The following FBN3 variants were observed in gnomAD, a reference collection of about 807,000 sequenced individuals.
The protein encoded by FBN3 is fibrillin 3, also known as fibrillin-3.
A neutral mutation model predicts 330.1 loss-of-function variants in FBN3; 234 were observed. That is an observed-to-expected ratio of 0.71 (90% CI 0.64 to 0.79). The LOEUF is 0.79. Ranked by LOEUF, FBN3 falls within the 30% of genes least tolerant of loss-of-function variation. The pLI is 0.00. For missense variants in FBN3, 3,606 were observed against 3,886.9 expected (o/e 0.93, Z 1.92); for synonymous variants, 1,458 against 1,517.3 (o/e 0.96, Z 0.91).
At chr19:8,108,493 T>G (rs1204174237) in intron 36 of FBN3, among the ~76,000 whole-genome samples, 1 of 152,060 alleles carries the variant, frequency 6.6e-6, no homozygotes, top group Non-Finnish European at 1.5e-5. Context: ...ATTCAACATG[T>G]GAGCAGAGTT....
intron 3 of FBN3, among the ~76,000 whole-genome samples, chr19:8,146,688 C>T (rs1163477153): frequency 1.3e-5 from 2 of 151,814 alleles, no homozygotes; most frequent in African/African-American, 2.4e-5. Context: ...AGAGAGAGGC[C>T]AGGTGCAGTG....
At chr19:8,069,887 T>C (rs2081476272) in intron 63 of FBN3, among the ~76,000 whole-genome samples, 1 of 152,172 alleles carries the variant, frequency 6.6e-6, no homozygotes, top group South Asian at 2.1e-4. Flanking sequence ...GCTGATCACT[T>C]GAGGCCAGGA....
intron 41 of FBN3, among the ~76,000 whole-genome samples, chr19:8,100,224 T>A (rs1036770862): frequency 6.6e-6 from 1 of 151,884 alleles, no homozygotes; most frequent in African/African-American, 2.4e-5. Flanking sequence ...GAGAGTTTCA[T>A]GGGGACAGAG....
At chr19:8,075,239 C>T (rs1404676303) in intron 60 of FBN3, 44 bp downstream of exon 60, 1 of 1,583,832 alleles carries the variant, frequency 6.3e-7, no homozygotes, top group Admixed American at 1.7e-5. Context: ...GCTCTCAGGA[C>T]CAACACCCCC....
Position 8,120,527 on chromosome 19 carries a change from C to T in FBN3, c.3211+731G>A, listed in dbSNP as rs183611914. Among the ~76,000 whole-genome samples the T allele has an allele frequency of 1.0e-3, 155 of 151,944 alleles. 2 individuals are homozygous for T. Among genetic ancestry groups the T allele is most frequent in the African/African-American group, 3.7e-3 (154 of 41,450 alleles). On this transcript the variant is annotated intron_variant, in intron 25 of 63. Coordinates refer to ENST00000600128, the MANE Select transcript of FBN3 (RefSeq NM_032447.5). ...TTCTTTAGACAGGGTCTCACTCTGTCACCCAGGCTGGAGTGCAAAAGTGCG... is the reference window on the plus strand; with the variant it reads ...TTCTTTAGACAGGGTCTCACTCTGTTACCCAGGCTGGAGTGCAAAAGTGCG...
chr19:8,129,275 C>T lies in FBN3; in HGVS notation c.2135G>A (p.Gly712Asp), dbSNP rs1258060772. 1 of 1,614,086 alleles carries T rather than the reference C, an allele frequency of 6.2e-7. No individual in the cohort carries two copies. Among genetic ancestry groups the T allele is most frequent in the African/African-American group, 1.3e-5 (1 of 74,932 alleles). The change falls in exon 17 of 64, where the codon GGT becomes GAT. Residue 712 changes from glycine to aspartate, a missense_variant. By Grantham distance (94) the Gly-to-Asp change is moderately conservative (BLOSUM62 -1). Transcript: ENST00000600128. The surrounding 1 kb of genome is among the most constrained non-coding windows in gnomAD (Gnocchi z 4.5). ...CTTGCCTGAGGCACCTGCCTCATAA[C>T]CCAGGTTGCAGACACAGCGGTAGCT... ...RGSYRCVCNL[G>D]YEAGASGKDC... is the part of the protein sequence containing the mutation.
At position 8,103,033 on chromosome 19, in the gene FBN3, G is replaced by A. The variant is rs963899628; in HGVS notation, c.4940-160C>T. 9.2e-5 allele frequency among the ~76,000 whole-genome samples: 14 copies of A among 152,082 alleles called. No homozygotes were observed. In the South Asian group the frequency reaches 2.5e-3, roughly 27 times the overall value. ...TGTAATCCCAGCACTTTGGGAGGCG[G>A]AGGCGGGCGGATCACTTGAGGTCAG... On this transcript the variant is annotated intron_variant, in intron 39 of 63. Transcript: ENST00000600128.
chr19:8,085,674 AG>A, intron 55 of FBN3, 105 bp from the exon 56 acceptor site: 1 of 824,610 alleles, frequency 1.2e-6, no homozygotes, highest in East Asian at 2.9e-5. Flanking sequence ...TGTTGGGGAC[AG>A]GGGTGTCCAG....
At chr19:8,103,540 C>T in intron 39 of FBN3, 22 bp downstream of exon 39, 1 of 1,609,506 alleles carries the variant, frequency 6.2e-7, no homozygotes, top group South Asian at 1.1e-5. Flanking sequence ...CTGCCAGTTC[C>T]CTAGGTCATC....
At chr19:8,115,696 G>A (rs1243846283) in intron 29 of FBN3, 56 bp from the exon 30 acceptor site, 1 of 1,595,354 alleles carries the variant, frequency 6.3e-7, no homozygotes, top group African/African-American at 1.3e-5. Flanking sequence ...GACAGGAGAG[G>A]AAGTAGGTGA....
Position 8,131,897 on chromosome 19 carries a change from C to G in FBN3, c.1715-68G>C, listed in dbSNP as rs755918750. ...CCCTTCCTCTCTCCCCTCCCCATCT[C>G]CCAACATTTCCATCTTCCCAGCCAT... On this transcript the variant is annotated intron_variant, in intron 14 of 63. Transcript: ENST00000600128. The surrounding 1 kb of genome is among the most constrained non-coding windows in gnomAD (Gnocchi z 4.5). 5.6e-5 allele frequency: 79 copies of G among 1,419,480 alleles called. No individual in the cohort carries two copies. Among genetic ancestry groups the G allele is most frequent in the Non-Finnish European group, 7.1e-5 (77 of 1,077,494 alleles). The allele number at this position is 1,419,480 out of a possible 1,614,324, so 87.9% of individuals were successfully genotyped here. A position where few individuals can be genotyped will look rare whatever the true frequency, so the allele number is the denominator to read the frequency against.
At position 8,112,017 on chromosome 19, in the gene FBN3, C is replaced by T. The variant is rs1373229580; in HGVS notation, c.3921G>A (p.Arg1307=). The change falls in exon 31 of 64, where the codon AGG becomes AGA. Residue 1307 remains arginine, a synonymous_variant. Coordinates refer to ENST00000600128, the MANE Select transcript of FBN3 (RefSeq NM_032447.5). ...CATCCCCCACCCAGCCTGGCAGGCA[C>T]CTACAGCTGAAACTCCCCGGGATGT... ...CLNIPGSFSC[R]CLPGWVGDGF... The T allele has an allele frequency of 6.2e-7, 1 of 1,612,142 alleles. No homozygotes were observed. The highest frequency in any genetic ancestry group is 1.7e-5 in the Admixed American group (1 of 59,806).
At position 8,095,814 on chromosome 19, in the gene FBN3, A is replaced by G. The variant is rs115051088; in HGVS notation, c.5656+150T>C. On this transcript the variant is annotated intron_variant, in intron 45 of 63. Coordinates refer to ENST00000600128, the MANE Select transcript of FBN3 (RefSeq NM_032447.5). ...TATTTTCTAATTTTCCTTATGATTTATTTGACCTATGGATTATTTAGGAGT... is the reference window on the plus strand; with the variant it reads ...TATTTTCTAATTTTCCTTATGATTTGTTTGACCTATGGATTATTTAGGAGT... 501 of 594,190 alleles carry G rather than the reference A, an allele frequency of 8.4e-4. 4 individuals are homozygous for G. The African/African-American group carries it at 8.6e-3, about 10-fold the overall frequency. The allele number at this position is 594,190 out of a possible 1,614,324, so 36.8% of individuals were successfully genotyped here.
In FBN3 at chr19:8,103,170, G is replaced by A. The variant is rs187051998; in HGVS notation, c.4940-297C>T. ...TAATCCCAGCTACTTGGGAGGCTGA[G>A]GCAGGAGAATCGCTTGAACCTGGGA... On this transcript the variant is annotated intron_variant, in intron 39 of 63. Coordinates refer to ENST00000600128, the MANE Select transcript of FBN3 (RefSeq NM_032447.5). Among the ~76,000 whole-genome samples the A allele has an allele frequency of 3.2e-3, 488 of 151,630 alleles. 3 individuals carry two copies. The highest frequency in any genetic ancestry group is 0.011 in the African/African-American group (468 of 41,354).
intron 57 of FBN3, among the ~76,000 whole-genome samples, 160 bp from the exon 58 acceptor site, chr19:8,081,640 TG>T (rs2081787778): frequency 6.6e-6 from 1 of 152,180 alleles, no homozygotes; most frequent in Non-Finnish European, 1.5e-5. Context: ...GAAATACATT[TG>T]GTTTTGCAGG....
chr19:8,121,124 G>T lies in FBN3; in HGVS notation c.3211+134C>A. On this transcript the variant is annotated intron_variant, in intron 25 of 63. Coordinates refer to ENST00000600128, the MANE Select transcript of FBN3 (RefSeq NM_032447.5). The surrounding 1 kb of genome is among the most constrained non-coding windows in gnomAD (Gnocchi z 4.5). Reference sequence around the variant, plus strand: ...TGGAGCCCAGACTCACTGTACCTCAGCTAATTTACAGCTCCTCCCTCCTCC... The same window carrying T: ...TGGAGCCCAGACTCACTGTACCTCATCTAATTTACAGCTCCTCCCTCCTCC... 1.2e-6 allele frequency: 1 copy of T among 867,164 alleles called. No homozygotes were observed. Among genetic ancestry groups the T allele is most frequent in the Non-Finnish European group, 1.8e-6 (1 of 563,816 alleles). 53.7% of individuals were successfully genotyped at this position (867,164 alleles called of 1,614,324 possible). A position where few individuals can be genotyped will look rare whatever the true frequency, so the allele number is the denominator to read the frequency against.
intron 8 of FBN3, among the ~76,000 whole-genome samples, chr19:8,141,194 CAAAAAAAAAAAAA>C: frequency 1.8e-5 from 1 of 54,366 alleles, no homozygotes; most frequent in African/African-American, 7.9e-5. Flanking sequence ...GACTCCGTCT[CAAAAAAAAAAAAA>C]AAAAAAAAAA....
intron 41 of FBN3, among the ~76,000 whole-genome samples, chr19:8,099,049 GA>G (rs886658464): frequency 8.6e-5 from 13 of 151,942 alleles, no homozygotes; most frequent in African/African-American, 3.1e-4. Context: ...CAATTTGGAC[GA>G]AAAAAGCAAG....
chr19:8,128,518 G>A (rs971342335), intron 18 of FBN3, among the ~76,000 whole-genome samples: 9 of 151,182 alleles, frequency 6.0e-5, no homozygotes, highest in Admixed American at 3.3e-4. Context: ...AGCTGAGATC[G>A]TGCCACTGCA....
Sources: allele counts gnomAD v4.1 joint callset (sites outside exome capture counted in the v4.1 genomes callset), GRCh38; gene constraint gnomAD v4.1.1; non-coding constraint Gnocchi (gnomAD v3.1); transcripts MANE v1.5; gene names NCBI Gene and HGNC (gene_info 2026-07-23, HGNC 2026-07-21).